NPR1: variants seen among roughly 807,000 people sequenced by gnomAD.
The protein encoded by NPR1 is natriuretic peptide receptor 1.
In NPR1, 57 loss-of-function variants were observed where a neutral mutation model predicts 116.9. The ratio of observed to expected loss-of-function variants is 0.49; its 90% CI spans 0.39 to 0.61. The LOEUF (loss-of-function observed/expected upper bound fraction) is 0.61, where lower values mean the gene tolerates loss of function less well. Among genes scored for constraint, NPR1 ranks in the 20% least tolerant of loss-of-function variants. NPR1 has a pLI of 0.00. For synonymous variants in NPR1, 555 were observed against 601.6 expected, an observed-to-expected ratio of 0.92 and a Z score of 1.13; for missense variants, 1,096 against 1,409.8, an observed-to-expected ratio of 0.78 and a Z score of 3.56.
chr1:153,690,141 T>TCTCTCTCA (rs1553231949), intron 19 of NPR1, 143 bp from the exon 20 acceptor site: 24 of 363,234 alleles, frequency 6.6e-5, no homozygotes, highest in Admixed American at 1.1e-4. Flanking sequence ...TCTCTCTCTC[T>TCTCTCTCA]CACACACACA....
At chr1:153,691,903 GAAAGAAAGAAAAGA>G (rs1670119024) in intron 20 of NPR1, among the ~76,000 whole-genome samples, 1 of 151,250 alleles carries the variant, frequency 6.6e-6, no homozygotes, top group Non-Finnish European at 1.5e-5. Context: ...AAAAAAGAGA[GAAAGAAAGAAAAGA>G]AAAGAAAGAA....
intron 5 of NPR1, 127 bp from the exon 6 acceptor site, chr1:153,683,249 G>T (rs1669832012): frequency 8.9e-7 from 1 of 1,119,294 alleles, no homozygotes; most frequent in South Asian, 1.7e-5. Flanking sequence ...TGGTAAGCAG[G>T]TGACAACCCA....
chr1:153,682,933 G>A (rs1192388501), intron 5 of NPR1, among the ~76,000 whole-genome samples: 1 of 152,240 alleles, frequency 6.6e-6, no homozygotes, highest in Non-Finnish European at 1.5e-5. Flanking sequence ...GGGACAGGAA[G>A]GCGCTGAGGC....
intron 7 of NPR1, among the ~76,000 whole-genome samples, chr1:153,684,386 C>CTT (rs58272090): frequency 0.022 from 1,979 of 88,980 alleles, 27 homozygotes; most frequent in East Asian, 0.036. Flanking sequence ...TTCTTTCTTT[C>CTT]TTTTTTTTTT....
Position 153,687,330 on chromosome 1 carries a change from C to G in NPR1, c.2066C>G (p.Pro689Arg). The change falls in exon 13 of 22, where the codon CCA (proline) becomes CGA (arginine). Residue 689 changes from proline to arginine, a missense_variant. Pro to Arg is a moderately radical substitution (Grantham distance 103). Coordinates refer to ENST00000368680, the MANE Select transcript of NPR1 (RefSeq NM_000906.4). ...YGLESFRDLD[P>R]EQGHTVYAKK... is the part of the protein sequence containing the mutation. ...CTGGAGAGCTTCAGGGACCTGGACC[C>G]AGAGCAAGGACACACCGTTTATGCC... 6.2e-7 allele frequency: 1 copy of G among 1,614,068 alleles called. No homozygotes were observed. The highest frequency in any genetic ancestry group is 8.5e-7 in the Non-Finnish European group (1 of 1,179,974).
Position 153,679,125 on chromosome 1 carries a change from G to A in NPR1, c.17G>A (p.Arg6His). The A allele has an allele frequency of 7.0e-7, 1 of 1,435,400 alleles. No individual in the cohort carries two copies. The highest frequency in any genetic ancestry group is 9.0e-7 in the Non-Finnish European group (1 of 1,105,658). The allele number at this position is 1,435,400 out of a possible 1,614,324, so 88.9% of individuals were successfully genotyped here. The change falls in exon 1 of 22, where the codon CGC becomes CAC. Residue 6 changes from arginine (R) to histidine (H), a missense_variant. Coordinates refer to ENST00000368680, the MANE Select transcript of NPR1 (RefSeq NM_000906.4). This position sits in a 1 kb window ranked among gnomAD's most constrained non-coding sequence, Gnocchi z 4.2. ...GCTGAGGCCATGCCGGGGCCCCGGC[G>A]CCCCGCTGGCTCCCGCCTGCGCCTG... MPGPR[R>H]PAGSRLRLLL...
intron 6 of NPR1, 76 bp downstream of exon 6, chr1:153,683,587 T>A: frequency 6.3e-7 from 1 of 1,591,892 alleles, no homozygotes; most frequent in South Asian, 1.1e-5. Context: ...GAGTAGGTGC[T>A]CCTGTCCCAT....
chr1:153,687,881 C>G (rs1669975653), intron 14 of NPR1, 92 bp downstream of exon 14: 2 of 1,358,990 alleles, frequency 1.5e-6, no homozygotes, highest in Admixed American at 4.4e-5. Context: ...ACCACACCTT[C>G]CTTCTGTAAT....
chr1:153,689,048 A>G lies in NPR1; in HGVS notation c.2513A>G (p.Tyr838Cys). The G allele has an allele frequency of 6.2e-7, 1 of 1,614,164 alleles. No homozygotes were observed. The highest frequency in any genetic ancestry group is 8.5e-7 in the Non-Finnish European group (1 of 1,180,028). The change falls in exon 16 of 22, where the codon TAC (tyrosine) becomes TGC (cysteine). Residue 838 changes from tyrosine to cysteine, a missense_variant. Tyr to Cys is a radical substitution (Grantham distance 194). Coordinates refer to ENST00000368680, the MANE Select transcript of NPR1 (RefSeq NM_000906.4). This position sits in a 1 kb window ranked among gnomAD's most constrained non-coding sequence, Gnocchi z 5.1. ...CTGGTGGAGGAGCGGACCCAGGCAT[A>G]CCTGGAGGAGAAGCGCAAGGCTGAG... is the stretch of plus-strand genomic sequence containing the variant. Reference protein sequence around the residue: ...EELVEERTQAYLEEKRKAEAL... With the variant: ...EELVEERTQACLEEKRKAEAL...
Position 153,679,354 on chromosome 1 carries a change from G to C in NPR1, c.246G>C (p.Leu82=). 1 of 1,539,538 alleles carries C rather than the reference G, an allele frequency of 6.5e-7. No individual in the cohort carries two copies. Among genetic ancestry groups the C allele is most frequent in the South Asian group, 1.2e-5 (1 of 84,190 alleles). Residue 82 remains leucine, a synonymous_variant, in exon 1 of 22, where the codon CTG becomes CTC. Transcript: ENST00000368680. The surrounding 1 kb of genome is among the most constrained non-coding windows in gnomAD (Gnocchi z 4.2). ...LLPGWTVRTV[L]GSSENALGVC... ...CGGGCTGGACGGTCCGCACGGTGCT[G>C]GGCAGCAGCGAAAACGCGCTGGGCG... is the stretch of plus-strand genomic sequence containing the variant.
At chr1:153,690,942 CAAAAAAAAAAAAAA>C (rs57820357) in intron 20 of NPR1, among the ~76,000 whole-genome samples, 1 of 51,292 alleles carries the variant, frequency 1.9e-5, no homozygotes, top group African/African-American at 7.0e-5. Context: ...AACTCTGTCT[CAAAAAAAAAAAAAA>C]AAAAAAAAAA....
At position 153,686,133 on chromosome 1, in the gene NPR1, T is replaced by A; in HGVS notation, c.1691T>A (p.Val564Glu). The change falls in exon 10 of 22, where the codon GTG becomes GAG. Residue 564 changes from valine (V) to glutamate (E), a missense_variant. Transcript: ENST00000368680. ...AKTAYYKGNL[V>E]AVKRVNRKRI... ...CCATTCCATGCCCAGGGCAACCTCG[T>A]GGCTGTGAAACGTGTGAACCGTAAA... 2 of 1,614,056 alleles carry A rather than the reference T, an allele frequency of 1.2e-6. No homozygotes were observed. Among genetic ancestry groups the A allele is most frequent in the Non-Finnish European group, 1.7e-6 (2 of 1,180,010 alleles).
chr1:153,681,632 T>A (rs957315008), intron 3 of NPR1, 72 bp from the exon 4 acceptor site: 28 of 1,547,952 alleles, frequency 1.8e-5, no homozygotes, highest in Non-Finnish European at 2.5e-5. Context: ...TGCCTCTTGT[T>A]CCCTTCCCCA....
At chr1:153,683,218 T>C (rs2101731159) in intron 5 of NPR1, among the ~76,000 whole-genome samples, 158 bp from the exon 6 acceptor site, 1 of 152,250 alleles carries the variant, frequency 6.6e-6, no homozygotes, top group African/African-American at 2.4e-5. Flanking sequence ...TGAGGTCCTG[T>C]GTCCAGTTGC....
Position 153,688,196 on chromosome 1 carries a change from C to T in NPR1, c.2392C>T (p.Arg798Cys), listed in dbSNP as rs753081607. ...GGAGAGGCCACCATTCCAGCAGATC[C>T]GCCTGACGTTGCGCAAATTTAACAG... ...PQERPPFQQI[R>C]LTLRKFNREN... is the part of the protein sequence containing the mutation. Residue 798 changes from arginine to cysteine, a missense_variant, in exon 15 of 22, where the codon CGC (arginine) becomes TGC (cysteine). Coordinates refer to ENST00000368680, the MANE Select transcript of NPR1 (RefSeq NM_000906.4). 21 of 1,613,628 alleles carry T rather than the reference C, an allele frequency of 1.3e-5. No homozygotes were observed. Among genetic ancestry groups the T allele is most frequent in the South Asian group, 3.3e-5 (3 of 91,070 alleles).
Position 153,679,672 on chromosome 1 carries a change from C to T in NPR1, c.564C>T (p.Tyr188=). 1 of 1,608,664 alleles carries T rather than the reference C, an allele frequency of 6.2e-7. No individual in the cohort carries two copies. The highest frequency in any genetic ancestry group is 1.7e-4 in the Middle Eastern group (1 of 6,052). The stretch of plus-strand genomic sequence containing the variant: ...GCCAAGCGCTCATGCTCTACGCCTA[C>T]CGGCCGGGTGACGAAGAGCACTGCT... ...WERQALMLYA[Y]RPGDEEHCFF... Residue 188 remains tyrosine, a synonymous_variant, in exon 1 of 22, where the codon TAC becomes TAT. Coordinates refer to ENST00000368680, the MANE Select transcript of NPR1 (RefSeq NM_000906.4). The surrounding 1 kb of genome is among the most constrained non-coding windows in gnomAD (Gnocchi z 4.2).
Position 153,686,705 on chromosome 1 carries a change from C to G in NPR1, c.1818C>G (p.Pro606=), listed in dbSNP as rs1669938447. 2 of 1,613,744 alleles carry G rather than the reference C, an allele frequency of 1.2e-6. No homozygotes were observed. Among genetic ancestry groups the G allele is most frequent in the Non-Finnish European group, 1.7e-6 (2 of 1,179,888 alleles). The change falls in exon 11 of 22, where the codon CCC becomes CCG. Residue 606 remains proline (P), a synonymous_variant. Transcript: ENST00000368680. ...TTGTGGGAGCCTGCACCGACCCCCCCAATATCTGCATCCTCACAGAGTACT... is the reference window on the plus strand; with the variant it reads ...TTGTGGGAGCCTGCACCGACCCCCCGAATATCTGCATCCTCACAGAGTACT... ...TRFVGACTDP[P]NICILTEYCP... is the part of the protein sequence containing the mutation.
chr1:153,684,989 G>A lies in NPR1; in HGVS notation c.1510G>A (p.Ala504Thr). The A allele has an allele frequency of 6.2e-7, 1 of 1,614,146 alleles. No homozygotes were observed. Among genetic ancestry groups the A allele is most frequent in the Non-Finnish European group, 8.5e-7 (1 of 1,180,006 alleles). ...GAAGATGCAGCTGGAGAAGGAACTG[G>A]CCTCGGAGCTGTGGCGGGTGCGCTG... is the stretch of plus-strand genomic sequence containing the variant. Reference protein sequence around the residue: ...YRKMQLEKELASELWRVRWED... With the variant: ...YRKMQLEKELTSELWRVRWED... Residue 504 changes from alanine to threonine, a missense_variant, in exon 8 of 22, where the codon GCC becomes ACC. Coordinates refer to ENST00000368680, the MANE Select transcript of NPR1 (RefSeq NM_000906.4).
At chr1:153,690,131 T>G (rs1670060722) in intron 19 of NPR1, 151 bp downstream of exon 19, 1 of 600,530 alleles carries the variant, frequency 1.7e-6, no homozygotes, top group African/African-American at 2.4e-5. Context: ...TCTCTCTCTC[T>G]CTCTCTCTCT....
Sources: allele counts gnomAD v4.1 joint callset (sites outside exome capture counted in the v4.1 genomes callset), GRCh38; gene constraint gnomAD v4.1.1; non-coding constraint Gnocchi (gnomAD v3.1); transcripts MANE v1.5; gene names NCBI Gene and HGNC (gene_info 2026-07-23, HGNC 2026-07-21).